The following MVB12B variants were observed in gnomAD, a reference collection of about 807,000 sequenced individuals.
MVB12B encodes multivesicular body subunit 12B, also known as ESCRT-I complex subunit MVB12B.
A neutral mutation model predicts 41.6 loss-of-function variants in MVB12B; 16 were observed. The observed-to-expected ratio is 0.38, with a 90% CI of 0.26 to 0.58. The LOEUF (loss-of-function observed/expected upper bound fraction) is 0.58. MVB12B is among the 20% of genes least tolerant of loss of function. The probability of loss-of-function intolerance (pLI) is 0.62; values close to 1 mark genes in which losing one functional copy is unlikely to be tolerated. For synonymous variants in MVB12B, 133 were observed against 139.7 expected (o/e 0.95, Z 0.34); for missense variants, 274 against 380.2 (o/e 0.72, Z 2.32).
At chr9:126,457,391 C>T (rs1205978305) in intron 7 of MVB12B, among the ~76,000 whole-genome samples, 1 of 152,218 alleles carries the variant, frequency 6.6e-6, no homozygotes, top group East Asian at 1.9e-4. Context: ...CTGGCTCGCT[C>T]ACTGGCCCAA....
intron 7 of MVB12B, among the ~76,000 whole-genome samples, chr9:126,442,577 G>A (rs1207693337): frequency 6.6e-6 from 1 of 152,142 alleles, no homozygotes; most frequent in African/African-American, 2.4e-5. Context: ...GAACTTGAGT[G>A]ACATATATCA....
At position 126,335,887 on chromosome 9, in the gene MVB12B, G is replaced by A. The variant is rs866695606; in HGVS notation, c.82-4621G>A. Among the ~76,000 whole-genome samples the A allele has an allele frequency of 5.9e-5, 9 of 152,360 alleles. 1 individual carries two copies. In the Middle Eastern group the frequency reaches 0.017, roughly 288 times the overall value. On this transcript the variant is annotated intron_variant, in intron 1 of 9. Transcript: ENST00000361171. ...CACTGGTTTTGTCATTTCAATTACA[G>A]TAGCCCAATTTAGCCTGCCCCCCGT...
At chr9:126,346,530 G>A (rs1251589692) in intron 2 of MVB12B, among the ~76,000 whole-genome samples, 2 of 152,138 alleles carry the variant, frequency 1.3e-5, no homozygotes, top group Non-Finnish European at 2.9e-5. Flanking sequence ...AACACCTTGA[G>A]TTTGAGCTGC....
chr9:126,335,437 T>C, intron 1 of MVB12B: 1 of 1,299,496 alleles, frequency 7.7e-7, no homozygotes, highest in Non-Finnish European at 1.0e-6. Context: ...TGTAAGGAGG[T>C]GGCTGGGTTT....
intron 9 of MVB12B, among the ~76,000 whole-genome samples, chr9:126,501,102 T>C (rs894950390): frequency 6.6e-6 from 1 of 152,190 alleles, no homozygotes; most frequent in Non-Finnish European, 1.5e-5. Flanking sequence ...CAGCTCCCCC[T>C]CCTCAGCCTC....
chr9:126,463,969 G>A (rs1833142657), intron 7 of MVB12B, among the ~76,000 whole-genome samples: 1 of 152,210 alleles, frequency 6.6e-6, no homozygotes. Context: ...ATCCGAGTAA[G>A]GAGTGGAATG....
intron 7 of MVB12B, among the ~76,000 whole-genome samples, chr9:126,447,837 C>T (rs1832813136): frequency 6.6e-6 from 1 of 152,042 alleles, no homozygotes; most frequent in Non-Finnish European, 1.5e-5. Context: ...TTTGTATGTT[C>T]CTATGCAGTG....
Position 126,505,520 on chromosome 9 carries a change from T to C in MVB12B, c.*2257T>C, listed in dbSNP as rs1834046750. 6.6e-6 allele frequency: 1 copy of C among 152,252 alleles called. No homozygotes were observed. The highest frequency in any genetic ancestry group is 1.5e-5 in the Non-Finnish European group (1 of 68,052). 9.4% of individuals were successfully genotyped at this position (152,252 alleles called of 1,614,324 possible). ...GCATAAGAGTAAATGACTGTGAACG[T>C]TGTAGTAAACGGCAGCTTAAGATAA... On this transcript the variant is annotated 3_prime_UTR_variant, in exon 10 of 10. Transcript: ENST00000361171.
intron 9 of MVB12B, among the ~76,000 whole-genome samples, chr9:126,494,848 C>T (rs1328570098): frequency 2.0e-5 from 3 of 151,544 alleles, no homozygotes; most frequent in African/African-American, 4.8e-5. Context: ...AATGCTGACT[C>T]AGTGACCAGG....
chr9:126,499,721 G>T (rs1363267524), intron 9 of MVB12B, among the ~76,000 whole-genome samples: 2 of 152,152 alleles, frequency 1.3e-5, no homozygotes, highest in Non-Finnish European at 2.9e-5. Flanking sequence ...AACAAGAAGC[G>T]GGGGTGGGTG....
chr9:126,375,363 CTTT>C (rs35585049), intron 2 of MVB12B, among the ~76,000 whole-genome samples: 7 of 105,192 alleles, frequency 6.7e-5, no homozygotes, highest in Admixed American at 1.1e-4. Flanking sequence ...TAAATTGATT[CTTT>C]TTTTTTTTTT....
chr9:126,461,335 G>A (rs984555934), intron 7 of MVB12B, among the ~76,000 whole-genome samples: 21 of 152,004 alleles, frequency 1.4e-4, no homozygotes, highest in Non-Finnish European at 2.9e-4. Flanking sequence ...TCCCAAGTTT[G>A]TAATTAAAAC....
rs529803441 is a variant in MVB12B, at chr9:126,447,727, A to G, written c.757+25779A>G. Among the ~76,000 whole-genome samples, 27 of 152,336 alleles carry G rather than the reference A, an allele frequency of 1.8e-4. No homozygotes were observed. In the South Asian group the frequency reaches 5.4e-3, roughly 30 times the overall value. The stretch of plus-strand genomic sequence containing the variant: ...GATGGATGGGTATGTATACCCCCAT[A>G]TAGATATATACATTCATTCATTCAA... On this transcript the variant is annotated intron_variant, in intron 7 of 9. Transcript: ENST00000361171.
intron 7 of MVB12B, among the ~76,000 whole-genome samples, chr9:126,444,895 T>C (rs982506400): frequency 6.6e-5 from 10 of 152,230 alleles, no homozygotes; most frequent in African/African-American, 2.4e-4. Flanking sequence ...TGATGTATTT[T>C]GTGGCCTGTG....
intron 7 of MVB12B, among the ~76,000 whole-genome samples, chr9:126,451,359 G>A (rs548490269): frequency 4.5e-4 from 69 of 152,348 alleles, no homozygotes; most frequent in African/African-American, 1.6e-3. Flanking sequence ...GTGCAGAGGG[G>A]ACTCTCTCAA....
chr9:126,456,070 A>G (rs1393389662), intron 7 of MVB12B, among the ~76,000 whole-genome samples: 1 of 151,678 alleles, frequency 6.6e-6, no homozygotes, highest in Non-Finnish European at 1.5e-5. Flanking sequence ...TTGTATTTTT[A>G]GTAGAGACGG....
At position 126,412,027 on chromosome 9, in the gene MVB12B, C is replaced by A. The variant is rs74858070; in HGVS notation, c.663-9827C>A. On this transcript the variant is annotated intron_variant, in intron 6 of 9. Transcript: ENST00000361171. ...GTGATCCGATACCTGAGCATATGGT[C>A]TTTAAGAAATAAGGTTCCCCAAACT... Among the ~76,000 whole-genome samples the A allele has an allele frequency of 8.3e-3, 1,263 of 152,250 alleles. 34 individuals are homozygous for A. The highest frequency in any genetic ancestry group is 0.055 in the East Asian group (285 of 5,182).
At chr9:126,453,790 C>T (rs1832926980) in intron 7 of MVB12B, among the ~76,000 whole-genome samples, 1 of 152,240 alleles carries the variant, frequency 6.6e-6, no homozygotes, top group Admixed American at 6.5e-5. Flanking sequence ...CATATGTGCA[C>T]ACATGACACG....
chr9:126,500,960 C>T (rs1457022015), intron 9 of MVB12B, among the ~76,000 whole-genome samples: 2 of 152,256 alleles, frequency 1.3e-5, no homozygotes, highest in Non-Finnish European at 2.9e-5. Context: ...CCTCTGCTAC[C>T]TTGGGAGTCC....
Sources: gnomAD v4.1 joint callset for allele counts (sites outside exome capture counted in the v4.1 genomes callset) on GRCh38, gnomAD v4.1.1 for gene constraint, MANE v1.5 for transcripts, NCBI Gene and HGNC (gene_info 2026-07-23, HGNC 2026-07-21) for gene names.